The following SNTG1 variants were observed in gnomAD, a reference collection of about 807,000 sequenced individuals.
SNTG1 encodes syntrophin gamma 1.
SNTG1 carries 39 observed loss-of-function variants against 74.7 expected under a neutral mutation model. That is an observed-to-expected ratio of 0.52 (90% CI 0.40 to 0.68). The LOEUF (loss-of-function observed/expected upper bound fraction) is 0.68. Among genes scored for constraint, SNTG1 ranks in the 30% least tolerant of loss-of-function variants. The probability of loss-of-function intolerance (pLI) is 0.00; values close to 1 mark genes in which losing one functional copy is unlikely to be tolerated. For missense variants in SNTG1, 685 were observed against 609.5 expected (o/e 1.12, Z -1.30); for synonymous variants, 254 against 217.1 (o/e 1.17, Z -1.49).
At chr8:49,981,315 A>G (rs1450306249) in intron 1 of SNTG1, among the ~76,000 whole-genome samples, 1 of 152,208 alleles carries the variant, frequency 6.6e-6, no homozygotes, top group Non-Finnish European at 1.5e-5. Context: ...AGAGGTACCA[A>G]TAAAGGCAAA....
intron 15 of SNTG1, among the ~76,000 whole-genome samples, chr8:50,672,727 T>C (rs1348456221): frequency 6.6e-6 from 1 of 152,238 alleles, no homozygotes; most frequent in Non-Finnish European, 1.5e-5. Flanking sequence ...TTTGTTGCAA[T>C]TGCTTTTTGC....
At chr8:50,517,088 G>C (rs765691218) in intron 9 of SNTG1, among the ~76,000 whole-genome samples, 3 of 152,206 alleles carry the variant, frequency 2.0e-5, no homozygotes, top group Admixed American at 6.5e-5. Context: ...CAGACTAACA[G>C]CAGATGTCTC....
intron 1 of SNTG1, among the ~76,000 whole-genome samples, chr8:50,015,568 G>T (rs539706579): frequency 4.6e-5 from 7 of 152,040 alleles, no homozygotes; most frequent in Non-Finnish European, 8.8e-5. Context: ...AGTAGAATAA[G>T]CTCAAAGAGA....
At chr8:49,989,488 C>G (rs1023419592) in intron 1 of SNTG1, among the ~76,000 whole-genome samples, 1 of 151,920 alleles carries the variant, frequency 6.6e-6, no homozygotes, top group Non-Finnish European at 1.5e-5. Context: ...CCAGGTTTTA[C>G]TATACCTTTC....
chr8:49,921,843 G>A (rs1173443249), intron 1 of SNTG1, among the ~76,000 whole-genome samples: 1 of 152,018 alleles, frequency 6.6e-6, no homozygotes, highest in East Asian at 1.9e-4. Context: ...ACATAAAATA[G>A]TCAATAGTTG....
In SNTG1 at chr8:50,527,811, G is replaced by T. The variant is rs2094234261; in HGVS notation, c.467-2366G>T. Among the ~76,000 whole-genome samples the T allele has an allele frequency of 1.6e-4, 24 of 150,298 alleles. No homozygotes were observed. In the South Asian group the frequency reaches 5.0e-3, roughly 31 times the overall value. Reference sequence around the variant, plus strand: ...ACTAAATTAAATTTATAAACAATTTGGAGATTACCTTTTCATTTATGTTTT... The same window carrying T: ...ACTAAATTAAATTTATAAACAATTTTGAGATTACCTTTTCATTTATGTTTT... On this transcript the variant is annotated intron_variant, in intron 9 of 18. Coordinates refer to ENST00000642720, the MANE Select transcript of SNTG1 (RefSeq NM_018967.5).
intron 13 of SNTG1, among the ~76,000 whole-genome samples, chr8:50,656,357 T>C (rs892054559): frequency 6.6e-6 from 1 of 152,162 alleles, no homozygotes; most frequent in African/African-American, 2.4e-5. Context: ...ATTTGATATA[T>C]GAATACACTA....
At chr8:50,108,107 G>A (rs558155046) in intron 1 of SNTG1, among the ~76,000 whole-genome samples, 1 of 152,072 alleles carries the variant, frequency 6.6e-6, no homozygotes, top group African/African-American at 2.4e-5. Context: ...CACCAACGTG[G>A]GTCACACAAA....
chr8:50,394,999 C>G (rs1008923222), intron 3 of SNTG1, among the ~76,000 whole-genome samples: 2 of 151,908 alleles, frequency 1.3e-5, no homozygotes, highest in African/African-American at 4.8e-5. Context: ...TCAACAAAAA[C>G]CAACCATAAC....
chr8:50,490,245 G>T (rs1359493298), intron 8 of SNTG1, among the ~76,000 whole-genome samples: 1 of 152,080 alleles, frequency 6.6e-6, no homozygotes, highest in Non-Finnish European at 1.5e-5. Flanking sequence ...GATCGCTTTG[G>T]CTATATGAGC....
At chr8:50,488,783 C>CT (rs1284701796) in intron 8 of SNTG1, among the ~76,000 whole-genome samples, 2 of 151,816 alleles carry the variant, frequency 1.3e-5, no homozygotes, top group Non-Finnish European at 2.9e-5. Context: ...GTAATGTAGT[C>CT]TTTTTTTATT....
chr8:50,232,829 C>A (rs1422995292), intron 2 of SNTG1, among the ~76,000 whole-genome samples: 2 of 151,558 alleles, frequency 1.3e-5, no homozygotes, highest in East Asian at 3.9e-4. Context: ...ATATTACTTA[C>A]AATTGCTCAA....
chr8:50,557,552 T>C (rs2094463541), intron 12 of SNTG1, among the ~76,000 whole-genome samples: 1 of 152,190 alleles, frequency 6.6e-6, no homozygotes, highest in African/African-American at 2.4e-5. Context: ...CTCTGGTGGC[T>C]GCCAGCATTC....
At chr8:50,316,608 G>C (rs768641203) in intron 2 of SNTG1, among the ~76,000 whole-genome samples, 35 of 151,962 alleles carry the variant, frequency 2.3e-4, no homozygotes, top group Non-Finnish European at 4.1e-4. Flanking sequence ...TTATGACCTA[G>C]GCCATATGAC....
chr8:50,559,869 CAAATGCAATCTAATT>C (rs1314648788), intron 12 of SNTG1, among the ~76,000 whole-genome samples: 1 of 152,114 alleles, frequency 6.6e-6, no homozygotes, highest in Non-Finnish European at 1.5e-5. Context: ...CAAAAATTGA[CAAATGCAATCTAATT>C]AAACTAAAGA....
chr8:50,474,850 G>A (rs570975051), intron 8 of SNTG1, among the ~76,000 whole-genome samples: 2 of 152,136 alleles, frequency 1.3e-5, no homozygotes, highest in South Asian at 4.2e-4. Flanking sequence ...ATGATAGACT[G>A]GATTAAGAAA....
chr8:50,758,393 C>T (rs547696526), intron 18 of SNTG1, among the ~76,000 whole-genome samples: 1 of 151,886 alleles, frequency 6.6e-6, no homozygotes, highest in Non-Finnish European at 1.5e-5. Context: ...TATAGGTATA[C>T]ACGTGCCATG....
At chr8:50,182,643 T>C (rs535871440) in intron 2 of SNTG1, among the ~76,000 whole-genome samples, 7 of 152,254 alleles carry the variant, frequency 4.6e-5, no homozygotes, top group Non-Finnish European at 7.4e-5. Context: ...TGTGTGTGCG[T>C]GTGTGTGTAC....
intron 17 of SNTG1, among the ~76,000 whole-genome samples, chr8:50,734,783 A>T (rs1236974114): frequency 9.0e-6 from 1 of 111,050 alleles, no homozygotes; most frequent in African/African-American, 4.4e-5. Context: ...ATATATAGAT[A>T]TCTATATATA....
Sources: allele counts gnomAD v4.1 joint callset (sites outside exome capture counted in the v4.1 genomes callset), GRCh38; gene constraint gnomAD v4.1.1; transcripts MANE v1.5; gene names NCBI Gene and HGNC (gene_info 2026-07-23, HGNC 2026-07-21).